Variants in ARHGAP24 observed in about 807,000 individuals in gnomAD.
ARHGAP24 encodes the protein Rho GTPase activating protein 24, also known as rho GTPase-activating protein 24.
Under a neutral mutation model 76.4 loss-of-function variants are expected in ARHGAP24, and 50 were observed. That is an observed-to-expected ratio of 0.65 (90% confidence interval 0.52 to 0.83). The LOEUF is 0.83. Among genes scored for constraint, ARHGAP24 ranks in the 40% least tolerant of loss-of-function variants. The probability of loss-of-function intolerance (pLI) is 0.00; values close to 1 mark genes in which losing one functional copy is unlikely to be tolerated. For missense variants in ARHGAP24, 930 were observed against 914.2 expected, an observed-to-expected ratio of 1.02 and a Z score of -0.22; for synonymous variants, 345 against 323.3, an observed-to-expected ratio of 1.07 and a Z score of -0.72.
chr4:85,679,347 T>C lies in ARHGAP24; in HGVS notation c.181-42538T>C, dbSNP rs187174589. ...CACTTTATTTCTCTACAGATGCAAATCTCCCCCACAAAAGACAGATTTGCA... is the reference window on the plus strand; with the variant it reads ...CACTTTATTTCTCTACAGATGCAAACCTCCCCCACAAAAGACAGATTTGCA... On this transcript the variant is annotated intron_variant, in intron 2 of 9. Coordinates refer to ENST00000395184, the MANE Select transcript of ARHGAP24 (RefSeq NM_001025616.3). Among the ~76,000 whole-genome samples, 25 of 152,184 alleles carry C rather than the reference T, an allele frequency of 1.6e-4. No homozygotes were observed. In the East Asian group the frequency reaches 4.1e-3, roughly 25 times the overall value.
rs369883454 is a variant in ARHGAP24, at chr4:86,000,902, C to T, written c.*180C>T. On this transcript the variant is annotated 3_prime_UTR_variant, in exon 10 of 10. Transcript: ENST00000395184. ...ATGTGTACCAAAGTTATATCATGCCCCATAATGCTACTGTCAAGTGTTACA... is the reference window on the plus strand; with the variant it reads ...ATGTGTACCAAAGTTATATCATGCCTCATAATGCTACTGTCAAGTGTTACA... The T allele has an allele frequency of 2.3e-6, 2 of 868,982 alleles. No individual in the cohort carries two copies. The highest frequency in any genetic ancestry group is 5.4e-5 in the Admixed American group (2 of 37,072). The allele number at this position is 868,982 out of a possible 1,614,324, so 53.8% of individuals were successfully genotyped here. A position where few individuals can be genotyped will look rare whatever the true frequency, so the allele number is the denominator to read the frequency against.
chr4:85,949,992 G>A (rs887406101), intron 5 of ARHGAP24, among the ~76,000 whole-genome samples: 3 of 152,212 alleles, frequency 2.0e-5, no homozygotes, highest in East Asian at 1.9e-4. Context: ...AAGTAATGAG[G>A]GTGACATGCT....
chr4:85,990,270 TAACA>T (rs910928880), intron 8 of ARHGAP24: 16 of 151,666 alleles, frequency 1.1e-4, no homozygotes, highest in African/African-American at 3.9e-4. Flanking sequence ...TACTAAACAC[TAACA>T]AACAAATAAG....
chr4:85,644,593 A>ATG (rs559739282), intron 2 of ARHGAP24, among the ~76,000 whole-genome samples: 14 of 152,134 alleles, frequency 9.2e-5, no homozygotes, highest in Non-Finnish European at 1.9e-4. Context: ...GGAATATATC[A>ATG]TGTTAATCTT....
intron 3 of ARHGAP24, among the ~76,000 whole-genome samples, chr4:85,906,487 TATG>T (rs1734773143): frequency 6.6e-6 from 1 of 152,348 alleles, no homozygotes; most frequent in South Asian, 2.1e-4. Flanking sequence ...ATGAATTTTC[TATG>T]ATAACTAGTT....
chr4:85,715,135 C>A (rs953887925), intron 2 of ARHGAP24, among the ~76,000 whole-genome samples: 5 of 151,986 alleles, frequency 3.3e-5, no homozygotes, highest in African/African-American at 1.2e-4. Context: ...CAAGAAATAT[C>A]ACTAATCATC....
At chr4:85,517,167 A>G (rs955500999) in intron 1 of ARHGAP24, among the ~76,000 whole-genome samples, 1 of 152,128 alleles carries the variant, frequency 6.6e-6, no homozygotes, top group African/African-American at 2.4e-5. Context: ...TTTTAAATAT[A>G]CAAATTTCAT....
At chr4:85,903,587 G>A (rs956387596) in intron 3 of ARHGAP24, among the ~76,000 whole-genome samples, 1 of 151,794 alleles carries the variant, frequency 6.6e-6, no homozygotes, top group Non-Finnish European at 1.5e-5. Flanking sequence ...CTCTAAAACT[G>A]TTTCAGTTTA....
intron 9 of ARHGAP24, among the ~76,000 whole-genome samples, chr4:85,999,350 A>G (rs1040353168): frequency 1.3e-5 from 2 of 152,220 alleles, no homozygotes; most frequent in Admixed American, 1.3e-4. Context: ...ACAAAATATG[A>G]AGTATTATTT....
chr4:85,969,876 G>A (rs149004428), intron 5 of ARHGAP24, among the ~76,000 whole-genome samples: 10 of 152,200 alleles, frequency 6.6e-5, no homozygotes, highest in African/African-American at 2.4e-4. Flanking sequence ...CTGGGAACAC[G>A]ATTTTTATTT....
intron 3 of ARHGAP24, among the ~76,000 whole-genome samples, chr4:85,801,821 G>A (rs960317228): frequency 6.6e-6 from 1 of 152,228 alleles, no homozygotes; most frequent in Non-Finnish European, 1.5e-5. Context: ...CATTATTAAT[G>A]CATCCATGTA....
chr4:85,551,176 G>A (rs1350412110), intron 1 of ARHGAP24, among the ~76,000 whole-genome samples: 6 of 152,068 alleles, frequency 3.9e-5, no homozygotes, highest in Admixed American at 2.0e-4. Flanking sequence ...TGTCATAGAT[G>A]GCTTTTATTA....
At chr4:85,752,558 T>C (rs1726304469) in intron 3 of ARHGAP24, among the ~76,000 whole-genome samples, 1 of 152,216 alleles carries the variant, frequency 6.6e-6, no homozygotes, top group East Asian at 1.9e-4. Flanking sequence ...GCACAGCACT[T>C]TTTTTACAGA....
At chr4:85,499,576 T>TTCAAATGAAG (rs1265369432) in intron 1 of ARHGAP24, among the ~76,000 whole-genome samples, 2 of 152,248 alleles carry the variant, frequency 1.3e-5, no homozygotes, top group African/African-American at 4.8e-5. Context: ...AGCTCTTACC[T>TTCAAATGAAG]AGCCTGCAGC....
At chr4:85,525,983 T>C (rs1724976341) in intron 1 of ARHGAP24, among the ~76,000 whole-genome samples, 1 of 152,162 alleles carries the variant, frequency 6.6e-6, no homozygotes, top group Non-Finnish European at 1.5e-5. Context: ...CTCAGAGCTG[T>C]ATATTTTTTA....
rs368305433 is a variant in ARHGAP24 at position 85,647,598 on chromosome 4, C to G, written c.181-74287C>G. Among the ~76,000 whole-genome samples, 3 of 152,234 alleles carry G rather than the reference C, an allele frequency of 2.0e-5. No individual in the cohort carries two copies. In the East Asian group the frequency reaches 5.8e-4, roughly 29 times the overall value. On this transcript the variant is annotated intron_variant, in intron 2 of 9. Transcript: ENST00000395184. Reference sequence around the variant, plus strand: ...AATCAATAGGAAATTATACTCACCTCAAAGAATAAATTACAATAATGAATG... The same window carrying G: ...AATCAATAGGAAATTATACTCACCTGAAAGAATAAATTACAATAATGAATG...
chr4:85,643,234 G>GTGTGTGT (rs1721592505), intron 2 of ARHGAP24, among the ~76,000 whole-genome samples: 1 of 54,610 alleles, frequency 1.8e-5, no homozygotes, highest in African/African-American at 5.9e-5. Context: ...GTTTTTTTGT[G>GTGTGTGT]TTTTTTTTTT....
At chr4:85,700,674 G>A (rs1724049930) in intron 2 of ARHGAP24, among the ~76,000 whole-genome samples, 2 of 152,052 alleles carry the variant, frequency 1.3e-5, no homozygotes, top group South Asian at 4.2e-4. Context: ...AGTAGAGAAA[G>A]AGCAGTATAT....
chr4:85,537,269 G>A (rs914981829), intron 1 of ARHGAP24, among the ~76,000 whole-genome samples: 4 of 152,094 alleles, frequency 2.6e-5, no homozygotes, highest in African/African-American at 9.7e-5. Context: ...GTAAGATAAG[G>A]CTTAGACCTA....
Sources: gnomAD v4.1 joint callset for allele counts (sites outside exome capture counted in the v4.1 genomes callset) on GRCh38, gnomAD v4.1.1 for gene constraint, MANE v1.5 for transcripts, NCBI Gene and HGNC (gene_info 2026-07-23, HGNC 2026-07-21) for gene names.